Variants in SMARCA2 observed in about 807,000 individuals in gnomAD.
The protein encoded by SMARCA2 is SWI/SNF-related matrix-associated actin-dependent regulator of chromatin subfamily A member 2.
A neutral mutation model predicts 199.8 loss-of-function variants in SMARCA2; 61 were observed. That is an observed-to-expected ratio of 0.31 (90% CI 0.25 to 0.38). SMARCA2 has a LOEUF of 0.38. SMARCA2 is among the 10% of genes least tolerant of loss of function. SMARCA2 has a pLI of 1.00. For synonymous variants in SMARCA2, 935 were observed against 732.0 expected, an observed-to-expected ratio of 1.28 and a Z score of -4.48; for missense variants, 1,344 against 2,012.2, an observed-to-expected ratio of 0.67 and a Z score of 6.35.
At chr9:2,051,781 G>C (rs1240347395) in intron 5 of SMARCA2, among the ~76,000 whole-genome samples, 1 of 152,146 alleles carries the variant, frequency 6.6e-6, no homozygotes, top group African/African-American at 2.4e-5. Context: ...TTTTCCTTTG[G>C]TATGGCCTTA....
At chr9:2,180,059 G>A (rs768624223) in intron 29 of SMARCA2, among the ~76,000 whole-genome samples, 6 of 152,190 alleles carry the variant, frequency 3.9e-5, no homozygotes, top group African/African-American at 7.2e-5. Flanking sequence ...CATAAGTTAG[G>A]GAAGGACGAA....
intron 9 of SMARCA2, among the ~76,000 whole-genome samples, chr9:2,065,147 T>C (rs1218845126): frequency 1.3e-5 from 2 of 152,028 alleles, no homozygotes; most frequent in East Asian, 1.9e-4. Flanking sequence ...ACGGCGCCAC[T>C]GCACTCCAGC....
intron 29 of SMARCA2, among the ~76,000 whole-genome samples, chr9:2,172,553 C>T (rs977434735): frequency 2.0e-5 from 3 of 151,990 alleles, no homozygotes; most frequent in Admixed American, 6.6e-5. Flanking sequence ...TCATTGGAGA[C>T]GAAGGAAGAC....
intron 27 of SMARCA2, chr9:2,159,826 C>T (rs1825571124): frequency 6.2e-7 from 1 of 1,611,490 alleles, no homozygotes; most frequent in East Asian, 2.2e-5. Context: ...GATGAAGAGA[C>T]TAGCAGCTCG....
intron 31 of SMARCA2, among the ~76,000 whole-genome samples, chr9:2,185,563 C>A (rs1054160040): frequency 2.0e-5 from 3 of 152,126 alleles, no homozygotes; most frequent in African/African-American, 7.2e-5. Flanking sequence ...GTTCTATTTT[C>A]AATTTTTTGA....
chr9:2,137,146 G>GAT (rs1216563492), intron 27 of SMARCA2, among the ~76,000 whole-genome samples: 2 of 152,168 alleles, frequency 1.3e-5, no homozygotes, highest in Non-Finnish European at 2.9e-5. Context: ...TTTGAGAAAA[G>GAT]AAAGATTCAG....
At chr9:2,146,376 T>A (rs542830805) in intron 27 of SMARCA2, among the ~76,000 whole-genome samples, 2 of 152,130 alleles carry the variant, frequency 1.3e-5, no homozygotes, top group Non-Finnish European at 2.9e-5. Flanking sequence ...ATAAGAAATA[T>A]GCGAAATCAG....
chr9:2,058,539 G>A, intron 8 of SMARCA2, 75 bp downstream of exon 8: 2 of 1,206,990 alleles, frequency 1.7e-6, no homozygotes, highest in South Asian at 1.4e-5. Context: ...TAAATATGGT[G>A]GTAGTAGAAG....
chr9:2,092,578 C>T (rs1822104718), intron 19 of SMARCA2, among the ~76,000 whole-genome samples: 1 of 152,146 alleles, frequency 6.6e-6, no homozygotes, highest in Non-Finnish European at 1.5e-5. Context: ...CAGGCAGAAG[C>T]TATGAACAAA....
At chr9:2,152,423 C>T (rs534265068) in intron 27 of SMARCA2, among the ~76,000 whole-genome samples, 75 of 152,168 alleles carry the variant, frequency 4.9e-4, no homozygotes, top group African/African-American at 1.7e-3. Flanking sequence ...TGTGGTGGCT[C>T]ATGGCTCATG....
At chr9:2,048,854 A>T (rs1434688654) in intron 5 of SMARCA2, among the ~76,000 whole-genome samples, 1 of 152,236 alleles carries the variant, frequency 6.6e-6, no homozygotes, top group Non-Finnish European at 1.5e-5. Context: ...ATAAAGTCAA[A>T]TACTAGCATA....
chr9:2,029,239 A>G lies in SMARCA2; in HGVS notation c.217A>G (p.Met73Val). ...TDFPQEGMHQ[M>V]HKPIDGIHDK... ...CTTCCCACAGGAAGGCATGCATCAA[A>G]TGCATAAGGTAAGAGTTTGTTCTCC... is the stretch of plus-strand genomic sequence containing the variant. Residue 73 changes from methionine (M) to valine (V), a missense_variant, in exon 2 of 34, where the codon ATG becomes GTG. Met to Val is a conservative substitution (Grantham distance 21). Transcript: ENST00000349721. The G allele has an allele frequency of 6.2e-7, 1 of 1,611,016 alleles. No homozygotes were observed. The highest frequency in any genetic ancestry group is 8.5e-7 in the Non-Finnish European group (1 of 1,178,390).
chr9:2,123,758 C>G lies in SMARCA2; in HGVS notation c.3802C>G (p.Pro1268Ala). The G allele has an allele frequency of 6.2e-7, 1 of 1,614,082 alleles. No homozygotes were observed. Among genetic ancestry groups the G allele is most frequent in the Non-Finnish European group, 8.5e-7 (1 of 1,180,008 alleles). Reference sequence around the variant, plus strand: ...CCGGCGGAGGGAAGATGCCCGGAACCCGAAACGGAAGCCCCGTTTAATGGA... The same window carrying G: ...CCGGCGGAGGGAAGATGCCCGGAACGCGAAACGGAAGCCCCGTTTAATGGA... ...MDRRREDARN[P>A]KRKPRLMEED... Residue 1268 changes from proline (P) to alanine (A), a missense_variant, in exon 27 of 34, where the codon CCG (proline) becomes GCG (alanine). By Grantham distance (27) the Pro-to-Ala change is conservative (BLOSUM62 -1). This residue lies in a region of SMARCA2 where 63 missense variants were observed against 83.3 expected (regional missense o/e 0.76). Coordinates refer to ENST00000349721, the MANE Select transcript of SMARCA2 (RefSeq NM_003070.5). This position sits in a 1 kb window ranked among gnomAD's most constrained non-coding sequence, Gnocchi z 4.1.
At chr9:2,184,581 CTGACCTCG>C (rs1350208979) in intron 31 of SMARCA2, among the ~76,000 whole-genome samples, 9 of 152,004 alleles carry the variant, frequency 5.9e-5, no homozygotes, top group Admixed American at 1.3e-4. Context: ...TCTCGAACTC[CTGACCTCG>C]TGATCTACCC....
intron 27 of SMARCA2, among the ~76,000 whole-genome samples, chr9:2,131,365 G>T (rs973734654): frequency 6.6e-6 from 1 of 152,172 alleles, no homozygotes; most frequent in African/African-American, 2.4e-5. Context: ...AGCTCCTGGC[G>T]ATGAGGGAAG....
At chr9:2,021,124 T>G (rs1818582600) in intron 1 of SMARCA2, among the ~76,000 whole-genome samples, 2 of 152,216 alleles carry the variant, frequency 1.3e-5, no homozygotes, top group South Asian at 4.1e-4. Context: ...AGCATCAATC[T>G]TATGCCAGTA....
At chr9:2,122,389 T>A (rs899574174) in intron 26 of SMARCA2, among the ~76,000 whole-genome samples, 1 of 152,198 alleles carries the variant, frequency 6.6e-6, no homozygotes, top group African/African-American at 2.4e-5. Flanking sequence ...AGCCCCTCTT[T>A]AGAACTGCTG....
At chr9:2,180,273 G>A (rs540661013) in intron 29 of SMARCA2, among the ~76,000 whole-genome samples, 1 of 152,244 alleles carries the variant, frequency 6.6e-6, no homozygotes, top group African/African-American at 2.4e-5. Flanking sequence ...CAGTGTAGCA[G>A]AAAAACTAGC....
At position 2,039,840 on chromosome 9, in the gene SMARCA2, C is replaced by A. The variant is rs775227031; in HGVS notation, c.730C>A (p.Pro244Thr). Residue 244 changes from proline to threonine, a missense_variant, in exon 4 of 34, where the codon CCG becomes ACG. Physicochemically the swap from Pro to Thr is conservative, Grantham distance 38 (BLOSUM62 -1). Around this residue, in one of 18 missense-constraint regions of SMARCA2, gnomAD observed 117 missense variants for 99.1 expected, o/e 1.18. Transcript: ENST00000349721. The surrounding 1 kb of genome is among the most constrained non-coding windows in gnomAD (Gnocchi z 4.8). ...GCAACAGCAGCCGCAGCAGCAGCCG[C>A]CGCAACCACAGACGCAGCAACAACA... ...QQQQQPQQQP[P>T]QPQTQQQQQP... 1 of 1,612,688 alleles carries A rather than the reference C, an allele frequency of 6.2e-7. No homozygotes were observed. The highest frequency in any genetic ancestry group is 1.1e-5 in the South Asian group (1 of 90,978).
Sources: allele counts gnomAD v4.1 joint callset (sites outside exome capture counted in the v4.1 genomes callset), GRCh38; gene constraint gnomAD v4.1.1; regional missense constraint gnomAD v4.1.1; non-coding constraint Gnocchi (gnomAD v3.1); transcripts MANE v1.5; gene names NCBI Gene and HGNC (gene_info 2026-07-23, HGNC 2026-07-21).